HTR3B: variants seen among roughly 807,000 people sequenced by gnomAD.
HTR3B encodes the protein 5-hydroxytryptamine receptor 3B, also known as 5-hydroxytryptamine (serotonin) receptor 3B, ionotropic.
HTR3B carries 44 observed loss-of-function variants against 42.8 expected under a neutral mutation model. The ratio of observed to expected loss-of-function variants is 1.03; its 90% CI spans 0.81 to 1.32. The LOEUF (loss-of-function observed/expected upper bound fraction) is 1.32, where lower values mean the gene tolerates loss of function less well. Among genes scored for constraint, HTR3B ranks in the 40% most tolerant of loss-of-function variants. The probability of loss-of-function intolerance (pLI) is 0.00; values close to 1 mark genes in which losing one functional copy is unlikely to be tolerated. For missense variants in HTR3B, 527 were observed against 536.5 expected, an observed-to-expected ratio of 0.98 and a Z score of 0.17; for synonymous variants, 203 against 209.0, an observed-to-expected ratio of 0.97 and a Z score of 0.25.
At position 113,945,938 on chromosome 11, in the gene HTR3B, G is replaced by A. The variant is rs1260541852; in HGVS notation, c.1127G>A (p.Gly376Glu). ...TATGGAGAGCACCTGGCCCAGCCAG[G>A]AACCCTGAAGGAAGTCTGGTCGCAG... is the stretch of plus-strand genomic sequence containing the variant. ...SLYGEHLAQPGTLKEVWSQLQ... is the reference protein window; with the variant it reads ...SLYGEHLAQPETLKEVWSQLQ... Residue 376 changes from glycine to glutamate, a missense_variant, in exon 9 of 9, where the codon GGA becomes GAA. By Grantham distance (98) the Gly-to-Glu change is moderately conservative. Transcript: ENST00000260191. 6.2e-7 allele frequency: 1 copy of A among 1,614,058 alleles called. No individual in the cohort carries two copies. The highest frequency in any genetic ancestry group is 8.5e-7 in the Non-Finnish European group (1 of 1,180,032).
At chr11:113,940,209 G>T (rs183784461) in intron 6 of HTR3B, among the ~76,000 whole-genome samples, 1 of 152,048 alleles carries the variant, frequency 6.6e-6, no homozygotes, top group Non-Finnish European at 1.5e-5. Context: ...TTTGAGTCTG[G>T]GCTCTTTCTG....
chr11:113,932,232 G>A, intron 4 of HTR3B, 57 bp from the exon 5 acceptor site: 1 of 1,431,980 alleles, frequency 7.0e-7, no homozygotes, highest in East Asian at 2.3e-5. Flanking sequence ...ATCAGCCTAT[G>A]TTTTGAAATG....
At chr11:113,931,271 C>A in intron 2 of HTR3B, 113 bp from the exon 3 acceptor site, 1 of 746,666 alleles carries the variant, frequency 1.3e-6, no homozygotes, top group Non-Finnish European at 2.3e-6. Context: ...TTTTTAATAT[C>A]AGCATTATTT....
chr11:113,936,977 G>A (rs1950096945), intron 6 of HTR3B, among the ~76,000 whole-genome samples: 1 of 152,182 alleles, frequency 6.6e-6, no homozygotes, highest in Admixed American at 6.5e-5. Flanking sequence ...ATACCTTTGT[G>A]TACTTATTAT....
intron 6 of HTR3B, among the ~76,000 whole-genome samples, chr11:113,941,254 A>G (rs1950132566): frequency 6.6e-6 from 1 of 152,186 alleles, no homozygotes; most frequent in Admixed American, 6.5e-5. Context: ...CATTTATTGA[A>G]TACCCACTGT....
chr11:113,934,514 C>T (rs922886678), intron 6 of HTR3B, among the ~76,000 whole-genome samples: 4 of 152,142 alleles, frequency 2.6e-5, no homozygotes, highest in Admixed American at 2.6e-4. Context: ...TTACAGGTAT[C>T]CCTTAATTGG....
intron 4 of HTR3B, 66 bp downstream of exon 4, chr11:113,931,933 T>A: frequency 1.1e-6 from 1 of 910,126 alleles, no homozygotes; most frequent in Non-Finnish European, 1.9e-6. Flanking sequence ...CAGTTGCTGC[T>A]TACTTTCAGT....
chr11:113,932,962 A>G lies in HTR3B; in HGVS notation c.565A>G (p.Arg189Gly). ...GGAAGACGTAGACCTGGCCTTTCTGAGGAGCCCAGAAGACATTCAGCATGA... is the reference window on the plus strand; with the variant it reads ...GGAAGACGTAGACCTGGCCTTTCTGGGGAGCCCAGAAGACATTCAGCATGA... ...TVEDVDLAFL[R>G]SPEDIQHDKK... Residue 189 changes from arginine (R) to glycine (G), a missense_variant, in exon 6 of 9, where the codon AGG becomes GGG. Coordinates refer to ENST00000260191, the MANE Select transcript of HTR3B (RefSeq NM_006028.5). 1 of 1,614,116 alleles carries G rather than the reference A, an allele frequency of 6.2e-7. No homozygotes were observed. The highest frequency in any genetic ancestry group is 8.5e-7 in the Non-Finnish European group (1 of 1,180,010).
At chr11:113,941,458 T>C (rs1950133884) in intron 6 of HTR3B, among the ~76,000 whole-genome samples, 1 of 152,130 alleles carries the variant, frequency 6.6e-6, no homozygotes, top group Non-Finnish European at 1.5e-5. Flanking sequence ...TATAAAAAAA[T>C]GGCAACAATA....
At chr11:113,913,806 G>A (rs547432106) in intron 2 of HTR3B, among the ~76,000 whole-genome samples, 3 of 152,236 alleles carry the variant, frequency 2.0e-5, no homozygotes, top group South Asian at 4.1e-4. Context: ...GAGCCACCAC[G>A]CCCGGCCTCC....
At chr11:113,900,979 C>G (rs1246544359), upstream of HTR3B, among the ~76,000 whole-genome samples, 1 of 152,116 alleles carries the variant, frequency 6.6e-6, no homozygotes, top group African/African-American at 2.4e-5. Flanking sequence ...TAACCTCTCA[C>G]CAGGCCCCTC....
intron 2 of HTR3B, among the ~76,000 whole-genome samples, chr11:113,928,590 T>G: frequency 6.6e-6 from 1 of 152,110 alleles, no homozygotes. Flanking sequence ...CAGGCTGGAG[T>G]GCAGTGGCAC....
rs550922150 is a variant in HTR3B at position 113,910,083 on chromosome 11, C to T, written c.213+628C>T. Among the ~76,000 whole-genome samples, 21 of 150,930 alleles carry T rather than the reference C, an allele frequency of 1.4e-4. No individual in the cohort carries two copies. The South Asian group carries it at 4.4e-3, about 32-fold the overall frequency. On this transcript the variant is annotated intron_variant, in intron 2 of 8. Transcript: ENST00000260191. ...CAAAAACAGTAATAGGTATTTTATC[C>T]TATGGTTCACATTTATTATGATAAT...
intron 2 of HTR3B, among the ~76,000 whole-genome samples, chr11:113,922,573 C>A (rs1204610791): frequency 1.3e-5 from 2 of 150,034 alleles, no homozygotes; most frequent in African/African-American, 2.5e-5. Flanking sequence ...TTTTTCTGAG[C>A]GAGACGCAGT....
chr11:113,928,725 C>G (rs1460734680), intron 2 of HTR3B, among the ~76,000 whole-genome samples: 1 of 151,988 alleles, frequency 6.6e-6, no homozygotes, highest in Non-Finnish European at 1.5e-5. Context: ...TAAGTAGAGA[C>G]GGGGTTTCAC....
At position 113,947,409 on chromosome 11, in the gene HTR3B, A is replaced by T. The variant is rs961254101; in HGVS notation, c.*1272A>T. Among the ~76,000 whole-genome samples the T allele has an allele frequency of 3.3e-5, 5 of 152,270 alleles. No homozygotes were observed. In the East Asian group the frequency reaches 9.7e-4, roughly 29 times the overall value. ...CTTTGCTTCAAGGAAGTTATAATCC[A>T]CTGTCCCTGAACTAGTCAGCTAGGA... On this transcript the variant is annotated 3_prime_UTR_variant, in exon 9 of 9. Coordinates refer to ENST00000260191, the MANE Select transcript of HTR3B (RefSeq NM_006028.5).
At chr11:113,937,659 G>A (rs1004619003) in intron 6 of HTR3B, among the ~76,000 whole-genome samples, 2 of 152,202 alleles carry the variant, frequency 1.3e-5, no homozygotes, top group Non-Finnish European at 2.9e-5. Flanking sequence ...AAGGTGACTG[G>A]TGGAGCCTGG....
chr11:113,919,768 C>A (rs546420938), intron 2 of HTR3B, among the ~76,000 whole-genome samples: 4 of 151,666 alleles, frequency 2.6e-5, no homozygotes, highest in Middle Eastern at 3.4e-3. Flanking sequence ...GCGGAGGTTG[C>A]GGTGAGCCGA....
intron 6 of HTR3B, among the ~76,000 whole-genome samples, chr11:113,938,548 A>T (rs1950109171): frequency 6.6e-6 from 1 of 152,190 alleles, no homozygotes. Context: ...TGTCTTATTA[A>T]TAGTACTAAC....
Sources: allele counts gnomAD v4.1 joint callset (sites outside exome capture counted in the v4.1 genomes callset), GRCh38; gene constraint gnomAD v4.1.1; transcripts MANE v1.5; gene names NCBI Gene and HGNC (gene_info 2026-07-23, HGNC 2026-07-21).